The following ERBIN variants were observed in gnomAD, a reference collection of about 807,000 sequenced individuals.
ERBIN encodes erbb2 interacting protein.
In ERBIN, 60 loss-of-function variants were observed where a neutral mutation model predicts 158.4. The ratio of observed to expected loss-of-function variants is 0.38; its 90% CI spans 0.31 to 0.47. The LOEUF is 0.47. Among genes scored for constraint, ERBIN ranks in the 20% least tolerant of loss-of-function variants. ERBIN has a pLI of 0.99. For synonymous variants in ERBIN, 594 were observed against 557.2 expected (o/e 1.07, Z -0.93); for missense variants, 1,610 against 1,648.0 (o/e 0.98, Z 0.40).
chr5:66,076,791 A>G (rs1762019250), intron 24 of ERBIN, 84 bp from the exon 25 acceptor site: 2 of 910,488 alleles, frequency 2.2e-6, no homozygotes, highest in South Asian at 2.9e-5. Flanking sequence ...AAATATTTGC[A>G]TGGTGTGGAG....
intron 14 of ERBIN, among the ~76,000 whole-genome samples, chr5:66,032,693 C>G (rs1290475907): frequency 6.6e-6 from 1 of 151,992 alleles, no homozygotes; most frequent in African/African-American, 2.4e-5. Context: ...GTAGGGGAGA[C>G]TGAATTGGAG....
chr5:65,958,425 C>A (rs1448446612), intron 1 of ERBIN, among the ~76,000 whole-genome samples: 4 of 152,350 alleles, frequency 2.6e-5, no homozygotes, highest in Admixed American at 6.5e-5. Context: ...TGGAGACCAG[C>A]CCGGCCAACA....
chr5:65,998,722 C>T (rs530531630), intron 4 of ERBIN, among the ~76,000 whole-genome samples: 105 of 151,718 alleles, frequency 6.9e-4, no homozygotes, highest in African/African-American at 2.5e-3. Flanking sequence ...CATAGCAAAA[C>T]CTTGTTTCTA....
Position 66,076,391 on chromosome 5 carries a change from T to C in ERBIN, c.4039T>C (p.Phe1347Leu). 1 of 1,612,352 alleles carries C rather than the reference T, an allele frequency of 6.2e-7. No individual in the cohort carries two copies. Among genetic ancestry groups the C allele is most frequent in the Non-Finnish European group, 8.5e-7 (1 of 1,179,328 alleles). ...TGGTGTCGGGGGTAGAGGAAACCCA[T>C]TCAGACCTGATGATGATGTAAGTTT... ...SGGVGGRGNPFRPDDDGIFVT... is the reference protein window; with the variant it reads ...SGGVGGRGNPLRPDDDGIFVT... The change falls in exon 24 of 26, where the codon TTC (phenylalanine) becomes CTC (leucine). Residue 1347 changes from phenylalanine (F) to leucine (L), a missense_variant. Physicochemically the swap from Phe to Leu is conservative, Grantham distance 22. Coordinates refer to ENST00000284037, the MANE Select transcript of ERBIN (RefSeq NM_001253697.2).
At chr5:65,928,513 C>T (rs568328084) in intron 1 of ERBIN, among the ~76,000 whole-genome samples, 2 of 152,202 alleles carry the variant, frequency 1.3e-5, no homozygotes, top group East Asian at 1.9e-4. Context: ...AGAGAATTAT[C>T]GCTTTATGAA....
Position 66,053,509 on chromosome 5 carries a change from C to G in ERBIN, c.2191C>G (p.Pro731Ala), listed in dbSNP as rs760006813. The change falls in exon 21 of 26, where the codon CCT (proline) becomes GCT (alanine). Residue 731 changes from proline (P) to alanine (A), a missense_variant. Physicochemically the swap from Pro to Ala is conservative, Grantham distance 27. This residue lies in a region of ERBIN where 1,014 missense variants were observed against 936.1 expected (regional missense o/e 1.08). Transcript: ENST00000284037. ...TCATGATAAAAAAGATTTTAACTTACCTGAATATGATTTGAATGTTGAAGA... is the reference window on the plus strand; with the variant it reads ...TCATGATAAAAAAGATTTTAACTTAGCTGAATATGATTTGAATGTTGAAGA... ...KAHDKKDFNL[P>A]EYDLNVEERL... is the part of the protein sequence containing the mutation. 2 of 1,610,902 alleles carry G rather than the reference C, an allele frequency of 1.2e-6. No homozygotes were observed. The highest frequency in any genetic ancestry group is 1.7e-5 in the Admixed American group (1 of 59,096).
intron 1 of ERBIN, among the ~76,000 whole-genome samples, chr5:65,945,916 G>C (rs963216815): frequency 4.6e-5 from 7 of 152,112 alleles, no homozygotes; most frequent in African/African-American, 1.7e-4. Context: ...TCACAACCAG[G>C]ATATTGGAAT....
chr5:66,017,518 A>ATT (rs35773988), intron 7 of ERBIN, among the ~76,000 whole-genome samples: 9 of 135,396 alleles, frequency 6.6e-5, no homozygotes, highest in African/African-American at 1.6e-4. Context: ...TTACAATAGA[A>ATT]TTTTTTTTTT....
Position 66,078,779 on chromosome 5 carries a change from AAAAC to A in ERBIN, c.*254_*257del, listed in dbSNP as rs1296420222. On this transcript the variant is annotated 3_prime_UTR_variant, in exon 26 of 26. Transcript: ENST00000284037. ...TTTAAACATAGCAATCAAGGCTACA[AAAAC>A]AAACCTGTGTTGTTTTTGTATAGAT... is the stretch of plus-strand genomic sequence containing the variant. The A allele has an allele frequency of 9.3e-6, 4 of 428,480 alleles. No individual in the cohort carries two copies. Among genetic ancestry groups the A allele is most frequent in the Non-Finnish European group, 1.6e-5 (4 of 243,220 alleles). 26.5% of individuals were successfully genotyped at this position (428,480 alleles called of 1,614,324 possible).
At chr5:66,046,213 G>T in intron 17 of ERBIN, 140 bp from the exon 18 acceptor site, 1 of 448,746 alleles carries the variant, frequency 2.2e-6, no homozygotes, top group South Asian at 7.3e-5. Flanking sequence ...GAGTGTCACA[G>T]GTTTCTATGT....
At chr5:65,955,193 A>G (rs901130884) in intron 1 of ERBIN, among the ~76,000 whole-genome samples, 2 of 152,232 alleles carry the variant, frequency 1.3e-5, no homozygotes, top group African/African-American at 4.8e-5. Flanking sequence ...TTCTAAAGAA[A>G]ATTATGCTAG....
At chr5:66,055,022 G>A (rs1416170939) in intron 21 of ERBIN, 71 bp downstream of exon 21, 6 of 1,451,526 alleles carry the variant, frequency 4.1e-6, no homozygotes, top group Non-Finnish European at 5.5e-6. Context: ...GATGAAACAA[G>A]ATTCTCTGAA....
At chr5:65,932,711 T>TA (rs1743592012) in intron 1 of ERBIN, among the ~76,000 whole-genome samples, 1 of 152,242 alleles carries the variant, frequency 6.6e-6, no homozygotes, top group African/African-American at 2.4e-5. Context: ...TAAGCCCACT[T>TA]ACTTGATTTT....
At chr5:66,069,125 A>T (rs893377800) in intron 21 of ERBIN, 5 of 1,070,790 alleles carry the variant, frequency 4.7e-6, no homozygotes, top group Non-Finnish European at 6.3e-6. Flanking sequence ...TCTGGGTTAG[A>T]AACCTTGATT....
intron 1 of ERBIN, among the ~76,000 whole-genome samples, chr5:65,942,294 T>G (rs540356473): frequency 2.1e-4 from 32 of 152,112 alleles, no homozygotes; most frequent in Admixed American, 7.9e-4. Context: ...ACTCTGTTGG[T>G]TTTTTTTGCT....
intron 1 of ERBIN, among the ~76,000 whole-genome samples, chr5:65,948,102 G>A (rs1484389852): frequency 6.6e-6 from 1 of 151,886 alleles, no homozygotes; most frequent in Non-Finnish European, 1.5e-5. Flanking sequence ...TGTTGAGAAC[G>A]ATTTTACAGC....
intron 1 of ERBIN, among the ~76,000 whole-genome samples, chr5:65,962,772 C>G (rs112317514): frequency 3.3e-5 from 5 of 152,260 alleles, no homozygotes; most frequent in African/African-American, 1.2e-4. Context: ...TGTAACTATG[C>G]ACTTCTAATT....
chr5:65,939,768 C>T (rs1410709116), intron 1 of ERBIN, among the ~76,000 whole-genome samples: 2 of 152,058 alleles, frequency 1.3e-5, no homozygotes, highest in Non-Finnish European at 2.9e-5. Context: ...GGGCTGGTCT[C>T]CAGCTCCGAA....
At chr5:65,933,319 A>G (rs563349838) in intron 1 of ERBIN, among the ~76,000 whole-genome samples, 1 of 152,342 alleles carries the variant, frequency 6.6e-6, no homozygotes, top group South Asian at 2.1e-4. Context: ...ATTTAAATAT[A>G]TGTTCCCAGC....
Sources: gnomAD v4.1 joint callset for allele counts (sites outside exome capture counted in the v4.1 genomes callset) on GRCh38, gnomAD v4.1.1 for gene constraint, gnomAD v4.1.1 regional missense constraint, MANE v1.5 for transcripts, NCBI Gene and HGNC (gene_info 2026-07-23, HGNC 2026-07-21) for gene names.